IMMP2L: variants seen among roughly 807,000 people sequenced by gnomAD.
The protein encoded by IMMP2L is mitochondrial inner membrane protease subunit 2.
A neutral mutation model predicts 19.3 loss-of-function variants in IMMP2L; 18 were observed. The ratio of observed to expected loss-of-function variants is 0.93; its 90% confidence interval spans 0.64 to 1.38. The LOEUF is 1.38. Ranked by LOEUF, IMMP2L falls within the 40% of genes most tolerant of loss-of-function variation. IMMP2L has a pLI of 0.00. For missense variants in IMMP2L, 233 were observed against 218.2 expected, an observed-to-expected ratio of 1.07 and a Z score of -0.43; for synonymous variants, 76 against 73.0, an observed-to-expected ratio of 1.04 and a Z score of -0.21.
intron 3 of IMMP2L, among the ~76,000 whole-genome samples, chr7:111,079,364 A>G (rs1004309895): frequency 1.3e-4 from 19 of 151,698 alleles, no homozygotes; most frequent in African/African-American, 4.4e-4. Context: ...TGATCCACCC[A>G]CCTCGGCCTC....
At chr7:110,817,351 T>C (rs925641372) in intron 5 of IMMP2L, among the ~76,000 whole-genome samples, 1 of 151,954 alleles carries the variant, frequency 6.6e-6, no homozygotes, top group African/African-American at 2.4e-5. Context: ...ATGAGTGAAC[T>C]CCCATTCACA....
At chr7:110,880,616 T>C (rs1809543428) in intron 5 of IMMP2L, among the ~76,000 whole-genome samples, 1 of 152,052 alleles carries the variant, frequency 6.6e-6, no homozygotes, top group African/African-American at 2.4e-5. Flanking sequence ...TTCCATTTTA[T>C]TTTTCTATGT....
At chr7:111,259,929 T>C (rs1415601338) in intron 3 of IMMP2L, among the ~76,000 whole-genome samples, 1 of 152,100 alleles carries the variant, frequency 6.6e-6, no homozygotes, top group African/African-American at 2.4e-5. Context: ...TCAATATCAC[T>C]GTCTTCTACC....
At chr7:111,276,418 G>A (rs745584522) in intron 3 of IMMP2L, among the ~76,000 whole-genome samples, 1 of 151,902 alleles carries the variant, frequency 6.6e-6, no homozygotes, top group Non-Finnish European at 1.5e-5. Context: ...TTTTATTGTT[G>A]TCTCCTTATC....
intron 3 of IMMP2L, among the ~76,000 whole-genome samples, chr7:111,106,393 A>G (rs1411040952): frequency 1.3e-5 from 2 of 151,980 alleles, no homozygotes; most frequent in Admixed American, 1.3e-4. Context: ...AGCCCTTGAA[A>G]TAATAGAAAT....
intron 3 of IMMP2L, among the ~76,000 whole-genome samples, chr7:111,234,003 C>T (rs1814009124): frequency 6.6e-6 from 1 of 151,924 alleles, no homozygotes; most frequent in South Asian, 2.1e-4. Context: ...AAAAGACAAC[C>T]CATTAACAAG....
intron 3 of IMMP2L, among the ~76,000 whole-genome samples, chr7:111,282,907 T>C (rs1310467252): frequency 8.5e-5 from 13 of 152,152 alleles, no homozygotes; most frequent in Admixed American, 7.9e-4. Context: ...CAACATTGCA[T>C]AGAACCACTA....
chr7:111,391,863 C>T, intron 3 of IMMP2L: 1 of 702,684 alleles, frequency 1.4e-6, no homozygotes, highest in South Asian at 1.5e-5. Context: ...CTCCACTCTC[C>T]AGATGGGATT....
intron 2 of IMMP2L, among the ~76,000 whole-genome samples, chr7:111,515,181 C>A (rs2529486): frequency 4.6e-5 from 7 of 151,982 alleles, no homozygotes; most frequent in Non-Finnish European, 7.4e-5. Flanking sequence ...CTGCATGTGC[C>A]CAGGGAATTT....
intron 3 of IMMP2L, among the ~76,000 whole-genome samples, chr7:111,115,233 T>G (rs1440572585): frequency 1.3e-5 from 2 of 152,124 alleles, no homozygotes; most frequent in African/African-American, 4.8e-5. Flanking sequence ...TATTGTAAAT[T>G]AGAATTCCCC....
intron 3 of IMMP2L, among the ~76,000 whole-genome samples, chr7:111,182,095 T>C (rs1269575533): frequency 1.3e-5 from 2 of 151,822 alleles, no homozygotes; most frequent in African/African-American, 4.8e-5. Context: ...AGGGAATAAG[T>C]CCATGGAATT....
At chr7:111,459,646 C>T (rs923141472) in intron 3 of IMMP2L, among the ~76,000 whole-genome samples, 1 of 152,070 alleles carries the variant, frequency 6.6e-6, no homozygotes, top group Non-Finnish European at 1.5e-5. Context: ...TTTCAAGTGC[C>T]ATTTATCATG....
chr7:111,369,287 T>C (rs1005658733), intron 3 of IMMP2L, among the ~76,000 whole-genome samples: 1 of 151,972 alleles, frequency 6.6e-6, no homozygotes, highest in Non-Finnish European at 1.5e-5. Flanking sequence ...GGCAAAACAA[T>C]GCATCTTCTA....
chr7:111,555,578 T>G (rs1383319736), intron 1 of IMMP2L, among the ~76,000 whole-genome samples: 1 of 152,084 alleles, frequency 6.6e-6, no homozygotes, highest in Non-Finnish European at 1.5e-5. Flanking sequence ...AAATAAAATC[T>G]GAAGCAGTGA....
chr7:110,849,099 C>T (rs1805949763), intron 5 of IMMP2L, among the ~76,000 whole-genome samples: 1 of 152,030 alleles, frequency 6.6e-6, no homozygotes. Context: ...AATGTATGCT[C>T]ATCATTGTAA....
intron 3 of IMMP2L, among the ~76,000 whole-genome samples, chr7:111,088,310 A>G (rs757920092): frequency 3.9e-5 from 6 of 152,204 alleles, no homozygotes; most frequent in Non-Finnish European, 8.8e-5. Context: ...ATTTCAATAC[A>G]TTTCCATTAA....
At chr7:110,666,657 A>T (rs1055510761) in intron 5 of IMMP2L, among the ~76,000 whole-genome samples, 2 of 152,098 alleles carry the variant, frequency 1.3e-5, no homozygotes, top group Non-Finnish European at 2.9e-5. Flanking sequence ...GGGAATACAC[A>T]TAAAAAATCC....
At chr7:110,992,539 C>T (rs964710449) in intron 3 of IMMP2L, among the ~76,000 whole-genome samples, 1 of 151,624 alleles carries the variant, frequency 6.6e-6, no homozygotes, top group Non-Finnish European at 1.5e-5. Context: ...AGAATTTAAG[C>T]CATATTTGAA....
intron 3 of IMMP2L, among the ~76,000 whole-genome samples, chr7:111,439,674 G>T (rs1219809659): frequency 6.6e-6 from 1 of 151,930 alleles, no homozygotes; most frequent in Non-Finnish European, 1.5e-5. Context: ...GCTGCTGACT[G>T]ACCAGGGTGG....
Sources: allele counts gnomAD v4.1 joint callset (sites outside exome capture counted in the v4.1 genomes callset), GRCh38; gene constraint gnomAD v4.1.1; transcripts MANE v1.5; gene names NCBI Gene and HGNC (gene_info 2026-07-23, HGNC 2026-07-21).